Variants in POLR1D observed in about 807,000 individuals in gnomAD.
POLR1D encodes the protein RNA polymerase I and III subunit D, also known as DNA-directed RNA polymerases I and III subunit RPAC2.
A neutral mutation model predicts 10.8 loss-of-function variants in POLR1D; 8 were observed. That is an observed-to-expected ratio of 0.74 (90% CI 0.43 to 1.33). The LOEUF (loss-of-function observed/expected upper bound fraction) is 1.33. Among genes scored for constraint, POLR1D ranks in the 40% most tolerant of loss-of-function variants. The pLI, the probability that POLR1D is intolerant of heterozygous loss-of-function variation, is 0.01. For synonymous variants in POLR1D, 54 were observed against 57.2 expected, an observed-to-expected ratio of 0.94 and a Z score of 0.25; for missense variants, 152 against 161.7, an observed-to-expected ratio of 0.94 and a Z score of 0.32.
intron 1 of POLR1D, 133 bp from the exon 2 acceptor site, chr13:27,622,742 G>A (rs542032650): frequency 5.1e-5 from 33 of 646,564 alleles, no homozygotes; most frequent in Non-Finnish European, 8.5e-5. Context: ...GCAGGAAAAT[G>A]AGAGGCGAAT....
intron 1 of POLR1D, among the ~76,000 whole-genome samples, chr13:27,636,440 A>G (rs1593283184): frequency 2.6e-5 from 4 of 152,274 alleles, no homozygotes. Flanking sequence ...TATTTAATGG[A>G]TCTTTACCCA....
chr13:27,637,744 C>T (rs772775761), intron 1 of POLR1D, among the ~76,000 whole-genome samples: 3 of 151,834 alleles, frequency 2.0e-5, no homozygotes, highest in East Asian at 1.9e-4. Flanking sequence ...TGAAACTTGA[C>T]GGTGTAGGGT....
intron 2 of POLR1D, among the ~76,000 whole-genome samples, chr13:27,653,544 T>C (rs1401868781): frequency 6.6e-6 from 1 of 152,222 alleles, no homozygotes; most frequent in Non-Finnish European, 1.5e-5. Context: ...GGATTGTTAC[T>C]TGGTTATCTC....
exon 3 of POLR1D, chr13:27,667,383 TTAAG>T (rs1254719859): frequency 6.6e-6 from 1 of 152,238 alleles, no homozygotes; most frequent in African/African-American, 2.4e-5. Context: ...ATTGTTATAA[TTAAG>T]TAAAAATAAA....
chr13:27,666,096 C>A, exon 3 of POLR1D: 1 of 727,620 alleles, frequency 1.4e-6, no homozygotes, highest in Non-Finnish European at 2.2e-6. Flanking sequence ...AGGCTGCTGG[C>A]CACAGGCAAA....
In POLR1D at chr13:27,622,025, G is replaced by A; in HGVS notation, c.26+16G>A. The A allele has an allele frequency of 6.3e-7, 1 of 1,576,214 alleles. No homozygotes were observed. Among genetic ancestry groups the A allele is most frequent in the Non-Finnish European group, 8.6e-7 (1 of 1,161,048 alleles). On this transcript the variant is annotated intron_variant, in intron 1 of 1. Transcript: ENST00000302979. ...AGCTGGAGAGGTAACGGCCGAGGAG[G>A]AGGCGGGCGGAGCGGGCCGCGCCCA... is the stretch of plus-strand genomic sequence containing the variant.
intron 2 of POLR1D, among the ~76,000 whole-genome samples, chr13:27,656,877 GT>G (rs1468984669): frequency 6.6e-6 from 1 of 152,196 alleles, no homozygotes; most frequent in Non-Finnish European, 1.5e-5. Flanking sequence ...TAAATAAACT[GT>G]GGTACATCCT....
chr13:27,624,273 A>G (rs984854096), downstream of POLR1D, among the ~76,000 whole-genome samples: 28 of 152,058 alleles, frequency 1.8e-4, no homozygotes, highest in African/African-American at 6.8e-4. Context: ...TTACTATGCT[A>G]TTGGTAGTGC....
chr13:27,623,450 C>T (rs1454184453), downstream of POLR1D: 5 of 1,205,506 alleles, frequency 4.1e-6, no homozygotes, highest in East Asian at 1.3e-4. Context: ...TTTATTTAAA[C>T]TAGTTTGACT....
chr13:27,659,370 C>T (rs1350849081), intron 2 of POLR1D, among the ~76,000 whole-genome samples: 2 of 152,166 alleles, frequency 1.3e-5, no homozygotes, highest in African/African-American at 2.4e-5. Flanking sequence ...AGCAAGGGCT[C>T]ACATCTCAGA....
upstream of POLR1D, chr13:27,621,069 G>T: frequency 6.5e-6 from 1 of 153,494 alleles, no homozygotes. Flanking sequence ...CCGGGACGCA[G>T]GGAGCTGGAT....
Position 27,623,399 on chromosome 13 carries a change from T to G in POLR1D, c.*149T>G. On this transcript the variant is annotated 3_prime_UTR_variant, in exon 2 of 2. Transcript: ENST00000302979. Reference sequence around the variant, plus strand: ...TGTTGACCCCTTGCAGCTGTTGGAATCTCTGCAAGAACCTCTGTATTCTTC... The same window carrying G: ...TGTTGACCCCTTGCAGCTGTTGGAAGCTCTGCAAGAACCTCTGTATTCTTC... The G allele has an allele frequency of 6.8e-7, 1 of 1,480,688 alleles. No individual in the cohort carries two copies. The highest frequency in any genetic ancestry group is 9.0e-7 in the Non-Finnish European group (1 of 1,116,748). The allele number at this position is 1,480,688 out of a possible 1,614,324, so 91.7% of individuals were successfully genotyped here.
chr13:27,621,845 C>T, upstream of POLR1D: 2 of 862,104 alleles, frequency 2.3e-6, no homozygotes, highest in South Asian at 1.5e-5. Context: ...CGCGCCGCTG[C>T]GGCTCCTCCT....
chr13:27,622,801 A>C, intron 1 of POLR1D, 74 bp from the exon 2 acceptor site: 1 of 898,836 alleles, frequency 1.1e-6, no homozygotes, highest in Non-Finnish European at 1.8e-6. Flanking sequence ...GCAATGTGAT[A>C]TAGTAAATGA....
intron 1 of POLR1D, among the ~76,000 whole-genome samples, chr13:27,642,151 G>C (rs966898194): frequency 6.6e-6 from 1 of 152,180 alleles, no homozygotes; most frequent in Non-Finnish European, 1.5e-5. Context: ...GAATAATATT[G>C]GAAGCTAAAC....
chr13:27,657,187 TTTA>T (rs1191831311), intron 2 of POLR1D, among the ~76,000 whole-genome samples: 6 of 152,190 alleles, frequency 3.9e-5, no homozygotes, highest in African/African-American at 1.4e-4. Context: ...TTTATCACTT[TTTA>T]ACAGAGTTTT....
chr13:27,626,905 G>A, downstream of POLR1D, among the ~76,000 whole-genome samples: 1 of 152,190 alleles, frequency 6.6e-6, no homozygotes, highest in East Asian at 1.9e-4. Context: ...TCGAGAGATG[G>A]AAAGGTGTCT....
chr13:27,621,892 CCTTG>C lies in POLR1D; in HGVS notation c.-88_-85del, dbSNP rs975772183. ...TCCTCCGCGCCTTCCGTCGGTCGGT[CCTTG>C]CTTCCTGCTTCGCCTCCGCGCCTCG... On this transcript the variant is annotated 5_prime_UTR_variant, in exon 1 of 2. Transcript: ENST00000302979. 1 of 1,387,036 alleles carries C rather than the reference CCTTG, an allele frequency of 7.2e-7. No individual in the cohort carries two copies. Among genetic ancestry groups the C allele is most frequent in the African/African-American group, 1.4e-5 (1 of 70,330 alleles). 85.9% of individuals were successfully genotyped at this position (1,387,036 alleles called of 1,614,324 possible). A position where few individuals can be genotyped will look rare whatever the true frequency, so the allele number is the denominator to read the frequency against.
At chr13:27,629,020 C>T (rs577669126) in intron 1 of POLR1D, among the ~76,000 whole-genome samples, 1 of 152,280 alleles carries the variant, frequency 6.6e-6, no homozygotes, top group South Asian at 2.1e-4. Context: ...GAGACAGTCT[C>T]ACTATGTTGC....
Sources: gnomAD v4.1 joint callset for allele counts (sites outside exome capture counted in the v4.1 genomes callset) on GRCh38, gnomAD v4.1.1 for gene constraint, MANE v1.5 for transcripts, NCBI Gene and HGNC (gene_info 2026-07-23, HGNC 2026-07-21) for gene names.